GRIK2: variants seen among roughly 807,000 people sequenced by gnomAD.
GRIK2 encodes the protein glutamate receptor ionotropic, kainate 2.
In GRIK2, 32 loss-of-function variants were observed where a neutral mutation model predicts 100.3. The observed-to-expected ratio is 0.32, with a 90% confidence interval of 0.24 to 0.43. GRIK2 has a LOEUF of 0.43. GRIK2 is among the 20% of genes least tolerant of loss of function. The probability of loss-of-function intolerance (pLI) is 1.00; values close to 1 mark genes in which losing one functional copy is unlikely to be tolerated. For missense variants in GRIK2, 843 were observed against 1,114.9 expected, an observed-to-expected ratio of 0.76 and a Z score of 3.47; for synonymous variants, 417 against 389.4, an observed-to-expected ratio of 1.07 and a Z score of -0.83.
intron 7 of GRIK2, among the ~76,000 whole-genome samples, chr6:101,789,599 G>T (rs1485214645): frequency 6.6e-6 from 1 of 152,078 alleles, no homozygotes; most frequent in Non-Finnish European, 1.5e-5. Context: ...TGCTGTTTTG[G>T]TTACTGTAGA....
chr6:101,809,003 A>G (rs1781168708), intron 9 of GRIK2, among the ~76,000 whole-genome samples: 1 of 151,572 alleles, frequency 6.6e-6, no homozygotes, highest in African/African-American at 2.4e-5. Flanking sequence ...AATAATTTGT[A>G]AATGTCTTAT....
At chr6:101,604,027 A>G (rs1391296330) in intron 2 of GRIK2, among the ~76,000 whole-genome samples, 1 of 151,652 alleles carries the variant, frequency 6.6e-6, no homozygotes, top group Non-Finnish European at 1.5e-5. Flanking sequence ...CTTTGATAAT[A>G]CTCATATAAA....
intron 14 of GRIK2, among the ~76,000 whole-genome samples, chr6:102,005,812 A>C (rs1357317996): frequency 6.6e-6 from 1 of 152,046 alleles, no homozygotes; most frequent in Admixed American, 6.6e-5. Flanking sequence ...GAAACAATAG[A>C]TATTAAGTTT....
intron 7 of GRIK2, among the ~76,000 whole-genome samples, chr6:101,797,906 C>T (rs1033139281): frequency 6.7e-6 from 1 of 149,996 alleles, no homozygotes; most frequent in African/African-American, 2.4e-5. Context: ...TAATTTAACA[C>T]AACACCATTT....
At chr6:101,685,134 T>G (rs1182594272) in intron 6 of GRIK2, among the ~76,000 whole-genome samples, 1 of 152,190 alleles carries the variant, frequency 6.6e-6, no homozygotes, top group Non-Finnish European at 1.5e-5. Flanking sequence ...TGCTTCTGAC[T>G]TCTTTTGCAT....
intron 12 of GRIK2, among the ~76,000 whole-genome samples, chr6:101,896,896 C>G (rs911569317): frequency 3.4e-4 from 51 of 151,382 alleles, no homozygotes; most frequent in African/African-American, 1.2e-3. Flanking sequence ...ACTCAGAGTG[C>G]TAAAACTTGA....
chr6:102,054,849 A>G (rs1771388696), intron 15 of GRIK2, among the ~76,000 whole-genome samples: 1 of 152,168 alleles, frequency 6.6e-6, no homozygotes, highest in South Asian at 2.1e-4. Flanking sequence ...TGCTAAGTAA[A>G]AGATACCATT....
intron 9 of GRIK2, among the ~76,000 whole-genome samples, chr6:101,810,484 C>T (rs969575878): frequency 1.3e-5 from 2 of 152,014 alleles, no homozygotes; most frequent in Non-Finnish European, 2.9e-5. Flanking sequence ...AGTTTCAGGA[C>T]GCTGATTACG....
chr6:101,882,410 C>T (rs567648278), intron 11 of GRIK2, among the ~76,000 whole-genome samples: 53 of 152,176 alleles, frequency 3.5e-4, no homozygotes, highest in Middle Eastern at 3.4e-3. Flanking sequence ...ATTTTAGACC[C>T]ATAGTTATTC....
intron 2 of GRIK2, among the ~76,000 whole-genome samples, chr6:101,439,999 G>A (rs1156254568): frequency 6.6e-6 from 1 of 152,084 alleles, no homozygotes; most frequent in Non-Finnish European, 1.5e-5. Flanking sequence ...TGTTCTCATT[G>A]GAAGATGACC....
chr6:102,029,731 A>G (rs144669063), intron 14 of GRIK2, among the ~76,000 whole-genome samples: 2 of 151,326 alleles, frequency 1.3e-5, no homozygotes, highest in East Asian at 3.9e-4. Context: ...TATTCTACTC[A>G]GGACCCACCT....
intron 2 of GRIK2, among the ~76,000 whole-genome samples, chr6:101,459,963 G>T (rs1323062109): frequency 6.6e-6 from 1 of 151,994 alleles, no homozygotes; most frequent in Admixed American, 6.5e-5. Context: ...CACCACTTTG[G>T]TCAGGCTGGT....
At chr6:101,914,701 A>G (rs1788984280) in intron 12 of GRIK2, among the ~76,000 whole-genome samples, 1 of 151,386 alleles carries the variant, frequency 6.6e-6, no homozygotes, top group Non-Finnish European at 1.5e-5. Flanking sequence ...TGCTGCATTC[A>G]CTTTTATTTA....
chr6:101,635,005 ATTAAAG>A (rs1307577729), intron 4 of GRIK2, among the ~76,000 whole-genome samples: 1 of 152,110 alleles, frequency 6.6e-6, no homozygotes, highest in East Asian at 1.9e-4. Flanking sequence ...ATAAAATAAA[ATTAAAG>A]TTAATATAAA....
In GRIK2 at chr6:101,626,402, G is replaced by T; in HGVS notation, c.306G>T (p.Gly102=). The T allele has an allele frequency of 6.2e-7, 1 of 1,612,762 alleles. No homozygotes were observed. Among genetic ancestry groups the T allele is most frequent in the Non-Finnish European group, 8.5e-7 (1 of 1,179,738 alleles). ...CAGCCTGTGATCAGCTGTCTCTTGG[G>T]GTGGCTGCCATCTTCGGGCCTTCAC... ...SKKACDQLSL[G]VAAIFGPSHS... The change falls in exon 4 of 17, where the codon GGG becomes GGT. Residue 102 remains glycine (G), a synonymous_variant. Coordinates refer to ENST00000369134, the MANE Select transcript of GRIK2 (RefSeq NM_021956.5).
rs184236007 is a variant in GRIK2 at position 101,998,652 on chromosome 6, C to T, written c.2086-36689C>T. On this transcript the variant is annotated intron_variant, in intron 14 of 16. Coordinates refer to ENST00000369134, the MANE Select transcript of GRIK2 (RefSeq NM_021956.5). ...TCATTTTGAGTTAATTTTTTGTACA[C>T]GATAAAGGTATAGATGAAAGTTTTT... Among the ~76,000 whole-genome samples, 52 of 151,902 alleles carry T rather than the reference C, an allele frequency of 3.4e-4. 1 individual carries two copies. The highest frequency in any genetic ancestry group is 1.2e-3 in the African/African-American group (48 of 41,468).
At chr6:101,994,472 C>G (rs929605374) in intron 14 of GRIK2, among the ~76,000 whole-genome samples, 1 of 151,698 alleles carries the variant, frequency 6.6e-6, no homozygotes, top group Non-Finnish European at 1.5e-5. Context: ...TAGAAATGAA[C>G]TAGCATTTTA....
At position 102,068,360 on chromosome 6, in the gene GRIK2, G is replaced by T. The variant is rs1772120459; in HGVS notation, c.2576G>T (p.Ser859Ile). The change falls in exon 17 of 17, where the codon AGT becomes ATT. Residue 859 changes from serine to isoleucine, a missense_variant. Physicochemically the swap from Ser to Ile is moderately radical, Grantham distance 142. Coordinates refer to ENST00000369134, the MANE Select transcript of GRIK2 (RefSeq NM_021956.5). ...NAQLEKRSFC[S>I]AMVEELRMSL... ...GTTCTTCTGTAGAGGTCCTTCTGTAGTGCCATGGTAGAAGAATTGAGGATG... is the reference window on the plus strand; with the variant it reads ...GTTCTTCTGTAGAGGTCCTTCTGTATTGCCATGGTAGAAGAATTGAGGATG... 2.5e-6 allele frequency: 4 copies of T among 1,610,782 alleles called. No homozygotes were observed. Among genetic ancestry groups the T allele is most frequent in the Non-Finnish European group, 2.5e-6 (3 of 1,177,628 alleles).
At chr6:101,435,261 G>T (rs1454840627) in intron 2 of GRIK2, among the ~76,000 whole-genome samples, 2 of 152,008 alleles carry the variant, frequency 1.3e-5, no homozygotes, top group African/African-American at 4.8e-5. Context: ...ACCTTTGTCT[G>T]ATGTGGCACT....
Sources: allele counts gnomAD v4.1 joint callset (sites outside exome capture counted in the v4.1 genomes callset), GRCh38; gene constraint gnomAD v4.1.1; transcripts MANE v1.5; gene names NCBI Gene and HGNC (gene_info 2026-07-23, HGNC 2026-07-21).